PYGO1: variants seen among roughly 807,000 people sequenced by gnomAD.
PYGO1 encodes pygopus family PHD finger 1.
A neutral mutation model predicts 29.5 loss-of-function variants in PYGO1; 6 were observed. That is an observed-to-expected ratio of 0.20 (90% CI 0.11 to 0.40). The LOEUF (loss-of-function observed/expected upper bound fraction) is 0.40, where lower values mean the gene tolerates loss of function less well. Ranked by LOEUF, PYGO1 falls within the 10% of genes least tolerant of loss-of-function variation. The pLI, the probability that PYGO1 is intolerant of heterozygous loss-of-function variation, is 1.00. For missense variants in PYGO1, 515 were observed against 514.9 expected (o/e 1.00, Z 0.00); for synonymous variants, 186 against 180.5 (o/e 1.03, Z -0.24).
chr15:55,562,997 G>A (rs1290442825), intron 1 of PYGO1, among the ~76,000 whole-genome samples: 6 of 151,996 alleles, frequency 3.9e-5, no homozygotes, highest in African/African-American at 1.5e-4. Context: ...CTGTCGGGGG[G>A]AGCGGGAGGG....
chr15:55,551,181 G>A (rs1195814488), intron 1 of PYGO1, among the ~76,000 whole-genome samples: 1 of 152,096 alleles, frequency 6.6e-6, no homozygotes, highest in East Asian at 1.9e-4. Flanking sequence ...CAGGGGTTGG[G>A]GATCCCTGGT....
At chr15:55,566,569 T>G (rs999246732) in intron 1 of PYGO1, among the ~76,000 whole-genome samples, 19 of 152,300 alleles carry the variant, frequency 1.2e-4, no homozygotes, top group Middle Eastern at 3.4e-3. Flanking sequence ...TAGAACAATT[T>G]GTTTTCTTTG....
At position 55,584,465 on chromosome 15, in the gene PYGO1, T is replaced by C. The variant is rs184141725; in HGVS notation, c.49+3370A>G. Among the ~76,000 whole-genome samples, 185 of 152,312 alleles carry C rather than the reference T, an allele frequency of 1.2e-3. 1 individual carries two copies. The highest frequency in any genetic ancestry group is 4.3e-3 in the African/African-American group (178 of 41,556). On this transcript the variant is annotated intron_variant, in intron 1 of 2. Transcript: ENST00000563719. ...ACTATATGGCACTGTGATTGCTCTA[T>C]AAATATTTGTTGAATAAATGAATGA...
intron 1 of PYGO1, among the ~76,000 whole-genome samples, chr15:55,555,080 G>GA (rs536470875): frequency 2.1e-3 from 311 of 148,720 alleles, no homozygotes; most frequent in Non-Finnish European, 3.5e-3. Context: ...AGGTCAAGAT[G>GA]AAAAAAAAAA....
At chr15:55,582,773 C>T (rs2059030550) in intron 1 of PYGO1, among the ~76,000 whole-genome samples, 1 of 152,138 alleles carries the variant, frequency 6.6e-6, no homozygotes, top group Non-Finnish European at 1.5e-5. Flanking sequence ...ATCTGCCTAG[C>T]TCTTACATGG....
At chr15:55,581,600 G>C (rs1595995468) in intron 1 of PYGO1, among the ~76,000 whole-genome samples, 1 of 152,108 alleles carries the variant, frequency 6.6e-6, no homozygotes, top group Admixed American at 6.5e-5. Flanking sequence ...CTTCCTCACT[G>C]GGTAAACTTA....
intron 1 of PYGO1, among the ~76,000 whole-genome samples, chr15:55,573,938 T>G (rs1275940330): frequency 6.6e-6 from 1 of 152,234 alleles, no homozygotes; most frequent in Non-Finnish European, 1.5e-5. Flanking sequence ...CATTGTCTAT[T>G]TACAAGATGA....
In PYGO1 at chr15:55,577,485, T is replaced by A. The variant is rs183667448; in HGVS notation, c.49+10350A>T. ...GATTGAAATCTGTCTCAGATACTTTTGAGTTCACAAAGCAAGTCATTCCCA... is the reference window on the plus strand; with the variant it reads ...GATTGAAATCTGTCTCAGATACTTTAGAGTTCACAAAGCAAGTCATTCCCA... On this transcript the variant is annotated intron_variant, in intron 1 of 2. Transcript: ENST00000563719. 1.3e-3 allele frequency among the ~76,000 whole-genome samples: 194 copies of A among 152,248 alleles called. No individual in the cohort carries two copies. The Middle Eastern group carries it at 0.02, about 16-fold the overall frequency.
chr15:55,548,864 C>A, intron 2 of PYGO1, 46 bp downstream of exon 2: 1 of 1,533,026 alleles, frequency 6.5e-7, no homozygotes, highest in Non-Finnish European at 9.0e-7. Context: ...ATCAGCCTGA[C>A]CATACTAGCA....
At position 55,548,918 on chromosome 15, in the gene PYGO1, T is replaced by G; in HGVS notation, c.127A>C (p.Asn43His). ...AGAAAATGTCAGTTTACCTGTGTAT[T>G]TGCCTTGCGCTTTTTCTTATCTGGG... The part of the protein sequence containing the change: ...GSPDKKKRKA[N>H]TQGPSFPPLS... Residue 43 changes from asparagine to histidine, a missense_variant, in exon 2 of 3, where the codon AAT (asparagine) becomes CAT (histidine). Physicochemically the swap from Asn to His is moderately conservative, Grantham distance 68 (BLOSUM62 1). Transcript: ENST00000563719. The G allele has an allele frequency of 6.2e-7, 1 of 1,612,382 alleles. No individual in the cohort carries two copies. Among genetic ancestry groups the G allele is most frequent in the Non-Finnish European group, 8.5e-7 (1 of 1,179,262 alleles).
intron 1 of PYGO1, among the ~76,000 whole-genome samples, chr15:55,571,113 A>G (rs1453726480): frequency 6.6e-6 from 1 of 151,788 alleles, no homozygotes; most frequent in Non-Finnish European, 1.5e-5. Flanking sequence ...AGAATCATCC[A>G]GTACTTGTCT....
intron 1 of PYGO1, among the ~76,000 whole-genome samples, chr15:55,563,449 C>T (rs1374151426): frequency 2.0e-5 from 3 of 151,580 alleles, no homozygotes; most frequent in African/African-American, 7.3e-5. Context: ...TCACTTCAAC[C>T]TCTGCATCCT....
At chr15:55,586,140 CTG>C (rs2059045230) in intron 1 of PYGO1, among the ~76,000 whole-genome samples, 1 of 152,160 alleles carries the variant, frequency 6.6e-6, no homozygotes, top group Non-Finnish European at 1.5e-5. Context: ...AAATGAATGA[CTG>C]TGGTCCTTCA....
In PYGO1 at chr15:55,549,099, C is replaced by T. The variant is rs915037257; in HGVS notation, c.50-104G>A. 21 of 876,998 alleles carry T rather than the reference C, an allele frequency of 2.4e-5. No homozygotes were observed. The East Asian group carries it at 2.9e-4, about 12-fold the overall frequency. The allele number at this position is 876,998 out of a possible 1,614,324, so 54.3% of individuals were successfully genotyped here. Reference sequence around the variant, plus strand: ...TTTACCTGTTAATGTTTTCTATTTTCGTTAGACAAGAGCAATACTTTTATT... The same window carrying T: ...TTTACCTGTTAATGTTTTCTATTTTTGTTAGACAAGAGCAATACTTTTATT... On this transcript the variant is annotated intron_variant, in intron 1 of 2. Coordinates refer to ENST00000563719, the MANE Select transcript of PYGO1 (RefSeq NM_001367806.1).
intron 1 of PYGO1, among the ~76,000 whole-genome samples, chr15:55,561,651 A>C (rs1369588549): frequency 6.6e-6 from 1 of 152,178 alleles, no homozygotes; most frequent in Admixed American, 6.5e-5. Context: ...TGAGATTTGC[A>C]CAGGGACACA....
rs115432440 is a variant in PYGO1 at position 55,567,600 on chromosome 15, C to G, written c.50-18605G>C. 9.8e-3 allele frequency among the ~76,000 whole-genome samples: 1,498 copies of G among 152,212 alleles called. 35 individuals are homozygous for G. Among genetic ancestry groups the G allele is most frequent in the African/African-American group, 0.034 (1,422 of 41,534 alleles). On this transcript the variant is annotated intron_variant, in intron 1 of 2. Transcript: ENST00000563719. Reference sequence around the variant, plus strand: ...TTGTTTCTTTTGCTATGCAGAAACTCTCTAGTTTAATTAGATCCTACTTGT... The same window carrying G: ...TTGTTTCTTTTGCTATGCAGAAACTGTCTAGTTTAATTAGATCCTACTTGT...
intron 1 of PYGO1, among the ~76,000 whole-genome samples, chr15:55,558,462 C>A (rs978771794): frequency 7.2e-5 from 11 of 152,108 alleles, no homozygotes; most frequent in Admixed American, 2.0e-4. Context: ...CATCAAGCTA[C>A]CAATGACTTT....
chr15:55,586,589 G>A (rs2059047565), intron 1 of PYGO1, among the ~76,000 whole-genome samples: 1 of 152,110 alleles, frequency 6.6e-6, no homozygotes, highest in Non-Finnish European at 1.5e-5. Context: ...CCTGTCACAG[G>A]ACTCTTTCCT....
chr15:55,563,546 T>C (rs1029319205), intron 1 of PYGO1, among the ~76,000 whole-genome samples: 12 of 152,056 alleles, frequency 7.9e-5, no homozygotes, highest in Non-Finnish European at 1.8e-4. Context: ...GAGATGGGGT[T>C]TTACCACATG....
Sources: allele counts gnomAD v4.1 joint callset (sites outside exome capture counted in the v4.1 genomes callset), GRCh38; gene constraint gnomAD v4.1.1; transcripts MANE v1.5; gene names NCBI Gene and HGNC (gene_info 2026-07-23, HGNC 2026-07-21).